The following HEMGN variants were observed in gnomAD, a reference collection of about 807,000 sequenced individuals.
The protein encoded by HEMGN is hemogen.
In HEMGN, 32 loss-of-function variants were observed where a neutral mutation model predicts 45.7. The observed-to-expected ratio is 0.70, with a 90% CI of 0.53 to 0.94. The LOEUF is 0.94. Ranked by LOEUF, HEMGN falls within the 40% of genes least tolerant of loss-of-function variation. The probability of loss-of-function intolerance (pLI) is 0.00; values close to 1 mark genes in which losing one functional copy is unlikely to be tolerated. For synonymous variants in HEMGN, 183 were observed against 178.6 expected (o/e 1.02, Z -0.20); for missense variants, 530 against 564.2 (o/e 0.94, Z 0.61).
At chr9:97,934,922 G>T (rs991076943) in intron 2 of HEMGN, among the ~76,000 whole-genome samples, 2 of 152,264 alleles carry the variant, frequency 1.3e-5, no homozygotes, top group Admixed American at 6.5e-5. Context: ...AGCCAGCGGG[G>T]TTGCCGTTAA....
intron 1 of HEMGN, among the ~76,000 whole-genome samples, chr9:97,943,687 C>A (rs772801258): frequency 2.0e-5 from 3 of 152,132 alleles, no homozygotes; most frequent in Non-Finnish European, 4.4e-5. Flanking sequence ...CCTTGAGCCT[C>A]CCCCTTATCC....
At chr9:97,933,692 C>T (rs745373079) in intron 2 of HEMGN, among the ~76,000 whole-genome samples, 12 of 152,106 alleles carry the variant, frequency 7.9e-5, no homozygotes, top group South Asian at 2.1e-4. Context: ...AGCCAGGCTA[C>T]GAATCTAGTC....
chr9:97,927,158 TATAC>T lies in HEMGN; in HGVS notation c.*222_*225del. The stretch of plus-strand genomic sequence containing the variant: ...TCCCACCACTATCCTCTCCCCGACC[TATAC>T]ATACATACACACACACACACACACA... On this transcript the variant is annotated 3_prime_UTR_variant, in exon 4 of 4. Coordinates refer to ENST00000616898, the MANE Select transcript of HEMGN (RefSeq NM_197978.3). 7 of 316,550 alleles carry T rather than the reference TATAC, an allele frequency of 2.2e-5. No homozygotes were observed. Among genetic ancestry groups the T allele is most frequent in the South Asian group, 8.1e-5 (1 of 12,410 alleles). The allele number at this position is 316,550 out of a possible 1,614,324, so 19.6% of individuals were successfully genotyped here. A position where few individuals can be genotyped will look rare whatever the true frequency, so the allele number is the denominator to read the frequency against.
Position 97,930,906 on chromosome 9 carries a change from G to A in HEMGN, c.489C>T (p.Cys163=), listed in dbSNP as rs941293540. 3 of 1,614,058 alleles carry A rather than the reference G, an allele frequency of 1.9e-6. No homozygotes were observed. The highest frequency in any genetic ancestry group is 2.5e-6 in the Non-Finnish European group (3 of 1,179,944). ...IAVQNHSSET[C]QHVSEPEDLS... ...GGTCTTCAGGTTCAGACACATGTTG[G>A]CATGTTTCAGAAGAATGGTTTTGTA... The change falls in exon 3 of 4, where the codon TGC becomes TGT. Residue 163 remains cysteine, a synonymous_variant. Coordinates refer to ENST00000616898, the MANE Select transcript of HEMGN (RefSeq NM_197978.3).
At chr9:97,929,981 A>G in intron 3 of HEMGN, 54 bp downstream of exon 3, 1 of 1,305,388 alleles carries the variant, frequency 7.7e-7, no homozygotes, top group South Asian at 1.3e-5. Flanking sequence ...AGAAAGTTGT[A>G]AATCACTACT....
intron 3 of HEMGN, 114 bp from the exon 4 acceptor site, chr9:97,927,592 T>G (rs1826853491): frequency 1.6e-6 from 1 of 633,770 alleles, no homozygotes; most frequent in South Asian, 2.0e-5. Context: ...AAACCGTAGA[T>G]GGGGTAAATT....
At position 97,938,148 on chromosome 9, in the gene HEMGN, A is replaced by G. The variant is rs748468733; in HGVS notation, c.-12T>C. ...TTTCCCAAATCCATCTTGCTGCAAT[A>G]CCTTCCTGCTATTTTGGTCTGACTT... On this transcript the variant is annotated 5_prime_UTR_variant, in exon 1 of 4. Transcript: ENST00000616898. 3 of 1,599,090 alleles carry G rather than the reference A, an allele frequency of 1.9e-6. No individual in the cohort carries two copies. Among genetic ancestry groups the G allele is most frequent in the East Asian group, 2.2e-5 (1 of 44,762 alleles).
At chr9:97,944,051 A>G (rs1216360474) in intron 1 of HEMGN, among the ~76,000 whole-genome samples, 1 of 151,844 alleles carries the variant, frequency 6.6e-6, no homozygotes, top group Admixed American at 6.6e-5. Context: ...TAGGTATGGG[A>G]GGTGTTTTCC....
rs774638516 is a variant in HEMGN, at chr9:97,936,203, C to T, written c.141G>A (p.Val47=). The T allele has an allele frequency of 1.2e-5, 20 of 1,612,954 alleles. No homozygotes were observed. Among genetic ancestry groups the T allele is most frequent in the Non-Finnish European group, 1.7e-5 (20 of 1,179,346 alleles). ...RELLRKRKAE[V]HEKETSQWLF... ...GCCATTGTGATGTTTCCTTTTCATG[C>T]ACTTCAGCTTTTCTTTTTCTAAGTA... Residue 47 remains valine, a synonymous_variant, in exon 2 of 4, where the codon GTG becomes GTA. Coordinates refer to ENST00000616898, the MANE Select transcript of HEMGN (RefSeq NM_197978.3).
upstream of HEMGN, among the ~76,000 whole-genome samples, chr9:97,942,538 T>A (rs1425502900): frequency 2.0e-5 from 3 of 152,040 alleles, no homozygotes; most frequent in Non-Finnish European, 4.4e-5. Context: ...ACCCCTGCCT[T>A]TGCGTGCCAA....
At chr9:97,943,265 A>G (rs1827177917) in intron 1 of HEMGN, among the ~76,000 whole-genome samples, 1 of 152,192 alleles carries the variant, frequency 6.6e-6, no homozygotes, top group Admixed American at 6.5e-5. Flanking sequence ...ATTTCCTAAA[A>G]TACATTTGGG....
At chr9:97,936,351 T>A in intron 1 of HEMGN, 87 bp from the exon 2 acceptor site, 2 of 829,830 alleles carry the variant, frequency 2.4e-6, no homozygotes, top group Admixed American at 3.9e-5. Flanking sequence ...AGAGTCTCTG[T>A]TCTAGGTTTT....
chr9:97,938,984 C>T (rs1386887966), upstream of HEMGN, among the ~76,000 whole-genome samples: 1 of 152,116 alleles, frequency 6.6e-6, no homozygotes, highest in African/African-American at 2.4e-5. Context: ...ATCAAAGGAA[C>T]CATCCTATCT....
At chr9:97,932,815 A>AAAAAC (rs1826980704) in intron 2 of HEMGN, among the ~76,000 whole-genome samples, 1 of 151,940 alleles carries the variant, frequency 6.6e-6, no homozygotes, top group Admixed American at 6.6e-5. Flanking sequence ...AAAAAAAAAA[A>AAAAAC]AAAAAGGAAA....
At chr9:97,932,574 G>C (rs1447062672) in intron 2 of HEMGN, among the ~76,000 whole-genome samples, 1 of 152,190 alleles carries the variant, frequency 6.6e-6, no homozygotes. Context: ...GGGAGGCCGA[G>C]GCTGGTGGAT....
At chr9:97,936,586 A>AT in intron 1 of HEMGN, among the ~76,000 whole-genome samples, 1 of 152,328 alleles carries the variant, frequency 6.6e-6, no homozygotes, top group Middle Eastern at 3.4e-3. Flanking sequence ...TGTCTTTAAC[A>AT]TGATAACTTG....
At chr9:97,932,424 C>T (rs1344743503) in intron 2 of HEMGN, among the ~76,000 whole-genome samples, 4 of 151,964 alleles carry the variant, frequency 2.6e-5, no homozygotes, top group Non-Finnish European at 4.4e-5. Context: ...TATATATGTT[C>T]ACTTCTAATA....
intron 2 of HEMGN, among the ~76,000 whole-genome samples, chr9:97,933,150 C>T (rs1020066847): frequency 1.3e-5 from 2 of 152,100 alleles, no homozygotes; most frequent in African/African-American, 4.8e-5. Flanking sequence ...CTCTACATGC[C>T]TTGGTTTCCT....
chr9:97,938,395 C>G (rs955362165), upstream of HEMGN: 3 of 374,042 alleles, frequency 8.0e-6, no homozygotes, highest in African/African-American at 4.2e-5. Flanking sequence ...GCTATTTATA[C>G]AGGGAAACTC....
Sources: allele counts gnomAD v4.1 joint callset (sites outside exome capture counted in the v4.1 genomes callset), GRCh38; gene constraint gnomAD v4.1.1; transcripts MANE v1.5; gene names NCBI Gene and HGNC (gene_info 2026-07-23, HGNC 2026-07-21).